The following CD86 variants were observed in gnomAD, a reference collection of about 807,000 sequenced individuals.
CD86 encodes CD86 molecule.
A neutral mutation model predicts 32.1 loss-of-function variants in CD86; 11 were observed. The ratio of observed to expected loss-of-function variants is 0.34; its 90% CI spans 0.22 to 0.57. The LOEUF (loss-of-function observed/expected upper bound fraction) is 0.57, where lower values mean the gene tolerates loss of function less well. CD86 is among the 20% of genes least tolerant of loss of function. The pLI, the probability that CD86 is intolerant of heterozygous loss-of-function variation, is 0.86. For missense variants in CD86, 359 were observed against 398.4 expected (o/e 0.90, Z 0.84); for synonymous variants, 137 against 135.3 (o/e 1.01, Z -0.09).
chr3:122,103,354 C>T (rs924009418), intron 2 of CD86, among the ~76,000 whole-genome samples, 158 bp from the exon 3 acceptor site: 13 of 152,126 alleles, frequency 8.5e-5, no homozygotes, highest in African/African-American at 3.1e-4. Context: ...TCCTAATCTC[C>T]AGATGCCAAG....
At chr3:122,071,964 G>A (rs1450905545) in intron 1 of CD86, among the ~76,000 whole-genome samples, 1 of 144,120 alleles carries the variant, frequency 6.9e-6, no homozygotes, top group Non-Finnish European at 1.5e-5. Context: ...CTATCTATGA[G>A]TGAGAACATG....
chr3:122,077,662 G>A (rs1443220260), intron 1 of CD86: 1 of 500,672 alleles, frequency 2.0e-6, no homozygotes, highest in Non-Finnish European at 2.6e-6. Context: ...AATCTGTCAG[G>A]GAAGGTGTCT....
At chr3:122,093,243 A>G (rs899146900) in intron 2 of CD86, among the ~76,000 whole-genome samples, 13 of 152,072 alleles carry the variant, frequency 8.5e-5, no homozygotes, top group Non-Finnish European at 1.9e-4. Flanking sequence ...TGTGGCCTCG[A>G]TTACCTGGGC....
intron 1 of CD86, among the ~76,000 whole-genome samples, chr3:122,084,459 A>G (rs1474230479): frequency 6.6e-6 from 1 of 152,248 alleles, no homozygotes; most frequent in African/African-American, 2.4e-5. Context: ...TTTACAATAG[A>G]CATAGCAGTG....
intron 1 of CD86, among the ~76,000 whole-genome samples, chr3:122,083,814 A>G (rs751250686): frequency 6.6e-6 from 1 of 152,342 alleles, no homozygotes; most frequent in South Asian, 2.1e-4. Flanking sequence ...CAAAAAATTT[A>G]AAATATTCGT....
At chr3:122,077,505 A>G (rs2072570717) in intron 1 of CD86, among the ~76,000 whole-genome samples, 1 of 150,952 alleles carries the variant, frequency 6.6e-6, no homozygotes, top group Admixed American at 6.7e-5. Context: ...AGTGAAGCAC[A>G]TGGCCTCTCT....
At chr3:122,107,972 T>A (rs2107543337) in intron 4 of CD86, among the ~76,000 whole-genome samples, 1 of 152,376 alleles carries the variant, frequency 6.6e-6, no homozygotes, top group Non-Finnish European at 1.5e-5. Context: ...CTCCAAGCTA[T>A]GCCTGAAGTT....
chr3:122,110,366 G>A (rs2073154497), intron 5 of CD86, among the ~76,000 whole-genome samples: 1 of 152,144 alleles, frequency 6.6e-6, no homozygotes, highest in Admixed American at 6.5e-5. Context: ...CCTTTTTGTA[G>A]TTTGGTCTGG....
At chr3:122,057,759 C>T (rs926347124) in intron 1 of CD86, among the ~76,000 whole-genome samples, 2 of 152,296 alleles carry the variant, frequency 1.3e-5, no homozygotes, top group African/African-American at 4.8e-5. Context: ...AAAATACACC[C>T]ACTCTACCCA....
At chr3:122,094,523 A>C (rs952215132) in intron 2 of CD86, among the ~76,000 whole-genome samples, 1 of 152,208 alleles carries the variant, frequency 6.6e-6, no homozygotes, top group African/African-American at 2.4e-5. Flanking sequence ...GCAACAAAAA[A>C]TCAGATTCTA....
At chr3:122,067,439 G>A (rs1351162467) in intron 1 of CD86, among the ~76,000 whole-genome samples, 1 of 152,182 alleles carries the variant, frequency 6.6e-6, no homozygotes, top group African/African-American at 2.4e-5. Context: ...AACACAATAT[G>A]TAAAATCCAA....
intron 5 of CD86, among the ~76,000 whole-genome samples, chr3:122,112,018 GT>G (rs1161162093): frequency 6.6e-6 from 1 of 151,760 alleles, no homozygotes; most frequent in Non-Finnish European, 1.5e-5. Context: ...CTCTTTTTTT[GT>G]TTTGTCAAAT....
chr3:122,105,721 G>A (rs369165754), intron 3 of CD86, among the ~76,000 whole-genome samples: 2 of 152,068 alleles, frequency 1.3e-5, no homozygotes, highest in African/African-American at 4.8e-5. Context: ...CCACAATCCT[G>A]CTTGGGTTTC....
chr3:122,096,791 G>T (rs999587258), intron 2 of CD86, among the ~76,000 whole-genome samples: 1 of 152,218 alleles, frequency 6.6e-6, no homozygotes, highest in Non-Finnish European at 1.5e-5. Context: ...ATAGTGTACT[G>T]CCCTATAGCT....
chr3:122,117,258 T>C (rs2073268829), intron 5 of CD86, among the ~76,000 whole-genome samples: 1 of 152,198 alleles, frequency 6.6e-6, no homozygotes, highest in Admixed American at 6.5e-5. Context: ...TATATCATTC[T>C]TATGACTTTG....
intron 1 of CD86, among the ~76,000 whole-genome samples, chr3:122,055,788 A>G (rs1199626328): frequency 1.3e-5 from 2 of 152,244 alleles, no homozygotes; most frequent in African/African-American, 4.8e-5. Context: ...GTGAAGAATC[A>G]GGAATTTTTA....
chr3:122,118,421 G>A (rs1205696889), intron 6 of CD86, among the ~76,000 whole-genome samples: 3 of 152,154 alleles, frequency 2.0e-5, no homozygotes, highest in Non-Finnish European at 4.4e-5. Context: ...AGATTAGTGG[G>A]CATCCTACAT....
intron 1 of CD86, among the ~76,000 whole-genome samples, chr3:122,082,913 G>A (rs2072654614): frequency 6.6e-6 from 1 of 152,204 alleles, no homozygotes; most frequent in Non-Finnish European, 1.5e-5. Flanking sequence ...GAGTCTTGTA[G>A]CATCCACTGT....
intron 1 of CD86, among the ~76,000 whole-genome samples, chr3:122,081,713 C>T (rs2072636804): frequency 6.6e-6 from 1 of 152,178 alleles, no homozygotes; most frequent in African/African-American, 2.4e-5. Flanking sequence ...TACTTAAAAC[C>T]AATACAGGGT....
Sources: allele counts gnomAD v4.1 joint callset (sites outside exome capture counted in the v4.1 genomes callset), GRCh38; gene constraint gnomAD v4.1.1; transcripts MANE v1.5; gene names NCBI Gene and HGNC (gene_info 2026-07-23, HGNC 2026-07-21).